EDA2R: variants seen among roughly 807,000 people sequenced by gnomAD.
EDA2R encodes the protein ectodysplasin A2 receptor, also known as tumor necrosis factor receptor superfamily member 27.
In EDA2R, 26 loss-of-function variants were observed where a neutral mutation model predicts 20.1. The ratio of observed to expected loss-of-function variants is 1.30; its 90% CI spans 0.95 to 1.80. The LOEUF is 1.80. EDA2R is among the 40% of genes most tolerant of loss of function. The pLI is 0.00. For missense variants in EDA2R, 277 were observed against 228.7 expected, an observed-to-expected ratio of 1.21 and a Z score of -1.36; for synonymous variants, 114 against 88.7, an observed-to-expected ratio of 1.29 and a Z score of -1.60.
intron 1 of EDA2R, among the ~76,000 whole-genome samples, chrX:66,621,558 TATTC>T (rs1299837561): frequency 8.9e-6 from 1 of 112,570 alleles, no homozygotes; most frequent in Non-Finnish European, 1.9e-5. Context: ...CAATGAAAAT[TATTC>T]AGTCAGAGAA....
chrX:66,632,695 G>A (rs1169495309), intron 1 of EDA2R, among the ~76,000 whole-genome samples: 1 of 111,172 alleles, frequency 9.0e-6, no homozygotes, highest in Non-Finnish European at 1.9e-5. Flanking sequence ...TATTGATACT[G>A]GGACGTGGAG....
At chrX:66,600,062 G>A in intron 5 of EDA2R, 2 of 1,161,787 alleles carry the variant, frequency 1.7e-6, no homozygotes, top group Non-Finnish European at 2.3e-6. Context: ...ATTGAGGCTA[G>A]CTGGTACTGG....
chrX:66,628,887 A>G (rs1434208201), intron 1 of EDA2R, among the ~76,000 whole-genome samples: 2 of 111,187 alleles, frequency 1.8e-5, no homozygotes, highest in Non-Finnish European at 3.8e-5. Flanking sequence ...GGACATAACC[A>G]AAACAGAAAA....
intron 4 of EDA2R, among the ~76,000 whole-genome samples, 191 bp downstream of exon 4, chrX:66,604,230 G>T (rs1055017159): frequency 1.8e-5 from 2 of 111,936 alleles, no homozygotes; most frequent in Non-Finnish European, 3.8e-5. Flanking sequence ...AGGAAATGAG[G>T]TTCAATGAGA....
chrX:66,619,650 A>C (rs1180133145), intron 1 of EDA2R, among the ~76,000 whole-genome samples: 1 of 111,296 alleles, frequency 9.0e-6, no homozygotes, highest in Non-Finnish European at 1.9e-5. Context: ...AGTATAACAC[A>C]TGATGAGGTT....
chrX:66,622,152 T>C (rs1489965612), intron 1 of EDA2R, among the ~76,000 whole-genome samples: 2 of 111,806 alleles, frequency 1.8e-5, no homozygotes, highest in African/African-American at 6.5e-5. Context: ...ATTCCCTTAT[T>C]TTGCCTGTCT....
chrX:66,627,891 T>G (rs1933268528), intron 1 of EDA2R, among the ~76,000 whole-genome samples: 1 of 111,798 alleles, frequency 8.9e-6, no homozygotes, highest in Non-Finnish European at 1.9e-5. Context: ...CACATCCTAT[T>G]CAACAGTGCA....
intron 1 of EDA2R, among the ~76,000 whole-genome samples, chrX:66,629,716 C>T (rs1027515185): frequency 4.5e-5 from 5 of 111,559 alleles, no homozygotes; most frequent in Non-Finnish European, 9.4e-5. Flanking sequence ...TGGAAACATC[C>T]CATGCTCATG....
chrX:66,636,796 C>A lies in EDA2R; in HGVS notation c.-11+2199G>T, dbSNP rs192311904. ...ACACCATGATGTGAGTACTGTTATC[C>A]CTCTTTTTCAGGTTAGAAAGCTGAG... On this transcript the variant is annotated intron_variant, in intron 1 of 6. Coordinates refer to ENST00000374719, the MANE Select transcript of EDA2R (RefSeq NM_021783.5). 1.3e-4 allele frequency among the ~76,000 whole-genome samples: 14 copies of A among 110,890 alleles called. No individual in the cohort carries two copies. In the East Asian group the frequency reaches 4.0e-3, roughly 32 times the overall value.
rs1302777164 is a variant in EDA2R, at chrX:66,597,977, C to A, written c.*127G>T. 2 of 902,186 alleles carry A rather than the reference C, an allele frequency of 2.2e-6. No individual in the cohort carries two copies. Among genetic ancestry groups the A allele is most frequent in the Admixed American group, 3.2e-5 (1 of 31,606 alleles). 74.4% of individuals were successfully genotyped at this position (902,186 alleles called of 1,213,427 possible). On this transcript the variant is annotated 3_prime_UTR_variant, in exon 7 of 7. Transcript: ENST00000374719. ...CTGGTGGGATGGGATAGGATATGCC[C>A]CATCTGTAGGGTATTAGCTCTTGTG... is the stretch of plus-strand genomic sequence containing the variant.
intron 2 of EDA2R, among the ~76,000 whole-genome samples, chrX:66,608,642 C>A (rs1294711720): frequency 8.9e-6 from 1 of 111,988 alleles, no homozygotes; most frequent in Admixed American, 9.5e-5. Context: ...AGACAAACAA[C>A]AGCTGATTGA....
intron 5 of EDA2R, chrX:66,600,108 A>G: frequency 8.7e-7 from 1 of 1,144,447 alleles, no homozygotes; most frequent in Middle Eastern, 2.4e-4. Flanking sequence ...AGAGAAAAAG[A>G]AACCTTTGTG....
chrX:66,636,578 T>A (rs1183512174), intron 1 of EDA2R, among the ~76,000 whole-genome samples: 1 of 109,923 alleles, frequency 9.1e-6, no homozygotes, highest in Non-Finnish European at 1.9e-5. Flanking sequence ...AGTCCAAGGC[T>A]TTCCCTGAAG....
Position 66,602,800 on chromosome X carries a change from G to C in EDA2R, c.353-3C>G. On this transcript the variant is annotated splice_region_variant and splice_polypyrimidine_tract_variant and intron_variant, in intron 4 of 6. Coordinates refer to ENST00000374719, the MANE Select transcript of EDA2R (RefSeq NM_021783.5). ...CACTAAGCTCAACTGGAAGGCACCT[G>C]TGAGACAAAAAAATGGGGGAGGTCA... The C allele has an allele frequency of 8.5e-7, 1 of 1,174,461 alleles. No individual in the cohort carries two copies. The highest frequency in any genetic ancestry group is 1.1e-6 in the Non-Finnish European group (1 of 877,667).
chrX:66,630,295 A>G (rs1447058327), intron 1 of EDA2R, among the ~76,000 whole-genome samples: 1 of 111,985 alleles, frequency 8.9e-6, no homozygotes, highest in Non-Finnish European at 1.9e-5. Context: ...TGATTTCATG[A>G]CCAAGAACCC....
chrX:66,631,820 C>T (rs1424929052), intron 1 of EDA2R, among the ~76,000 whole-genome samples: 2 of 111,346 alleles, frequency 1.8e-5, no homozygotes, highest in Admixed American at 9.5e-5. Flanking sequence ...GTGAAAGGAG[C>T]GCAGCTTGGT....
chrX:66,614,056 T>C (rs142516754), intron 2 of EDA2R, among the ~76,000 whole-genome samples: 1 of 111,374 alleles, frequency 9.0e-6, no homozygotes, highest in East Asian at 2.8e-4. Context: ...CCAGTCTCTA[T>C]TCCAGCTAAA....
chrX:66,608,916 A>C, intron 2 of EDA2R, among the ~76,000 whole-genome samples: 1 of 112,122 alleles, frequency 8.9e-6, no homozygotes, highest in East Asian at 2.8e-4. Context: ...AAAAAGTCTT[A>C]GAAATAAAGG....
At chrX:66,638,955 C>G (rs1934598969) in intron 1 of EDA2R, 40 bp downstream of exon 1, 1 of 111,233 alleles carries the variant, frequency 9.0e-6, no homozygotes, top group African/African-American at 3.3e-5. Context: ...GCCGCAGGTC[C>G]CAGCCGCCTT....
Sources: gnomAD v4.1 joint callset for allele counts (sites outside exome capture counted in the v4.1 genomes callset) on GRCh38, gnomAD v4.1.1 for gene constraint, MANE v1.5 for transcripts, NCBI Gene and HGNC (gene_info 2026-07-23, HGNC 2026-07-21) for gene names.